The following THSD4 variants were observed in gnomAD, a reference collection of about 807,000 sequenced individuals.
The protein encoded by THSD4 is thrombospondin type-1 domain-containing protein 4.
A neutral mutation model predicts 119.0 loss-of-function variants in THSD4; 69 were observed. That is an observed-to-expected ratio of 0.58 (90% CI 0.48 to 0.71). THSD4 has a LOEUF of 0.71. THSD4 is among the 30% of genes least tolerant of loss of function. The pLI is 0.00. For missense variants in THSD4, 1,393 were observed against 1,391.1 expected, an observed-to-expected ratio of 1.00 and a Z score of -0.02; for synonymous variants, 524 against 540.4, an observed-to-expected ratio of 0.97 and a Z score of 0.42.
At chr15:71,393,688 T>G (rs993773671) in intron 6 of THSD4, among the ~76,000 whole-genome samples, 1 of 152,226 alleles carries the variant, frequency 6.6e-6, no homozygotes, top group Non-Finnish European at 1.5e-5. Context: ...AATGAGATTG[T>G]TAATTCAATT....
intron 6 of THSD4, among the ~76,000 whole-genome samples, chr15:71,391,026 A>ATTTTT (rs66485449): frequency 7.9e-6 from 1 of 126,512 alleles, no homozygotes; most frequent in Non-Finnish European, 1.6e-5. Flanking sequence ...ATGCCGGCTA[A>ATTTTT]TTTTTTTTTT....
At chr15:71,737,634 C>A in intron 10 of THSD4, 98 bp from the exon 11 acceptor site, 5 of 1,435,882 alleles carry the variant, frequency 3.5e-6, no homozygotes, top group Non-Finnish European at 4.6e-6. Context: ...TAGAAACGAT[C>A]TCATGCTACA....
intron 8 of THSD4, among the ~76,000 whole-genome samples, chr15:71,711,097 A>ATATATATATATATGTATATATATATACG (rs2052505724): frequency 1.4e-5 from 2 of 145,852 alleles, no homozygotes; most frequent in African/African-American, 5.0e-5. Context: ...ATATATATAC[A>ATATATATATATATGTATATATATATACG]TATATATATA....
rs143995107 is a variant in THSD4 at position 71,472,981 on chromosome 15, A to G, written c.1152+61158A>G. Among the ~76,000 whole-genome samples the G allele has an allele frequency of 1.6e-3, 239 of 152,058 alleles. 3 individuals carry two copies. Among genetic ancestry groups the G allele is most frequent in the African/African-American group, 4.9e-3 (204 of 41,470 alleles). On this transcript the variant is annotated intron_variant, in intron 7 of 17. Coordinates refer to ENST00000261862, the MANE Select transcript of THSD4 (RefSeq NM_024817.3). ...CTGTTAATGGTGAGATCTGTTTTGA[A>G]TAGTGCATTTTCAGGTGCTTTTAAA... is the stretch of plus-strand genomic sequence containing the variant.
At chr15:71,175,015 G>A (rs1423402588) in intron 3 of THSD4, among the ~76,000 whole-genome samples, 1 of 146,160 alleles carries the variant, frequency 6.8e-6, no homozygotes, top group African/African-American at 2.5e-5. Flanking sequence ...ACAAAAAGTA[G>A]ATAAAACCAC....
intron 7 of THSD4, among the ~76,000 whole-genome samples, chr15:71,476,564 C>T (rs2047658547): frequency 6.6e-6 from 1 of 152,198 alleles, no homozygotes; most frequent in South Asian, 2.1e-4. Context: ...ATCCCTGATA[C>T]TCAGCTGCCC....
At chr15:71,735,033 C>G (rs1203434089) in intron 10 of THSD4, among the ~76,000 whole-genome samples, 1 of 152,094 alleles carries the variant, frequency 6.6e-6, no homozygotes, top group Non-Finnish European at 1.5e-5. Flanking sequence ...CAACTTCACC[C>G]TTCTTTGAAA....
At chr15:71,125,907 G>T (rs1372859696) in intron 1 of THSD4, among the ~76,000 whole-genome samples, 1 of 152,248 alleles carries the variant, frequency 6.6e-6, no homozygotes, top group Admixed American at 6.5e-5. Context: ...GGGGGTGGTG[G>T]CGCACAGCCA....
intron 8 of THSD4, among the ~76,000 whole-genome samples, chr15:71,675,254 G>A (rs1353305190): frequency 6.6e-6 from 1 of 152,112 alleles, no homozygotes; most frequent in Non-Finnish European, 1.5e-5. Flanking sequence ...ATACATGGCA[G>A]AAGAATAAAG....
intron 3 of THSD4, among the ~76,000 whole-genome samples, chr15:71,192,282 G>GATTT (rs1049860303): frequency 1.3e-4 from 19 of 151,268 alleles, no homozygotes; most frequent in South Asian, 4.2e-4. Context: ...TCCTTTGGTG[G>GATTT]ATTTATTTAT....
intron 7 of THSD4, among the ~76,000 whole-genome samples, chr15:71,438,114 C>T (rs970551218): frequency 1.3e-5 from 2 of 152,192 alleles, no homozygotes; most frequent in African/African-American, 4.8e-5. Flanking sequence ...GGTCCCAGCT[C>T]TGTGCAGTGC....
At chr15:71,606,967 A>C (rs747113418) in intron 7 of THSD4, among the ~76,000 whole-genome samples, 1 of 152,216 alleles carries the variant, frequency 6.6e-6, no homozygotes, top group Non-Finnish European at 1.5e-5. Flanking sequence ...GAATACTCTG[A>C]AGATTTTGGA....
intron 5 of THSD4, among the ~76,000 whole-genome samples, chr15:71,247,251 C>G (rs1346108920): frequency 6.6e-6 from 1 of 151,910 alleles, no homozygotes; most frequent in Non-Finnish European, 1.5e-5. Context: ...GAGACAGAGT[C>G]TCGCTCTGTT....
chr15:71,467,483 T>C (rs2047516399), intron 7 of THSD4, among the ~76,000 whole-genome samples: 1 of 152,158 alleles, frequency 6.6e-6, no homozygotes, highest in African/African-American at 2.4e-5. Context: ...GGTGATAAAC[T>C]GGGGGAATCT....
chr15:71,733,622 G>C (rs930590478), intron 10 of THSD4: 8 of 151,976 alleles, frequency 5.3e-5, no homozygotes, highest in African/African-American at 1.9e-4. Flanking sequence ...AGAAAGCCCT[G>C]GCAAAAAAGC....
intron 7 of THSD4, among the ~76,000 whole-genome samples, chr15:71,543,440 T>C (rs1049865328): frequency 6.6e-6 from 1 of 152,118 alleles, no homozygotes; most frequent in African/African-American, 2.4e-5. Flanking sequence ...TGTGGGGCCA[T>C]AGACCTGTTG....
chr15:71,210,852 T>A (rs1040373841), intron 3 of THSD4, among the ~76,000 whole-genome samples: 1 of 152,186 alleles, frequency 6.6e-6, no homozygotes, highest in Non-Finnish European at 1.5e-5. Flanking sequence ...TTGGATAGAT[T>A]TCATTCTAAC....
chr15:71,445,318 A>G (rs150913105), intron 7 of THSD4, among the ~76,000 whole-genome samples: 2 of 152,290 alleles, frequency 1.3e-5, no homozygotes, highest in East Asian at 1.9e-4. Flanking sequence ...GAAAAATCCT[A>G]AACTAGGAAC....
chr15:71,596,048 T>G (rs1002848301), intron 7 of THSD4, among the ~76,000 whole-genome samples: 15 of 152,218 alleles, frequency 9.9e-5, no homozygotes, highest in African/African-American at 3.6e-4. Flanking sequence ...AAAGTTCAGT[T>G]TTGTTTGTTT....
Sources: allele counts gnomAD v4.1 joint callset (sites outside exome capture counted in the v4.1 genomes callset), GRCh38; gene constraint gnomAD v4.1.1; transcripts MANE v1.5; gene names NCBI Gene and HGNC (gene_info 2026-07-23, HGNC 2026-07-21).